The following KLF13 variants were observed in gnomAD, a reference collection of about 807,000 sequenced individuals.
KLF13 encodes the protein Krueppel-like factor 13.
KLF13 carries 8 observed loss-of-function variants against 16.7 expected under a neutral mutation model. The observed-to-expected ratio is 0.48, with a 90% CI of 0.28 to 0.87. The LOEUF (loss-of-function observed/expected upper bound fraction) is 0.87, where lower values mean the gene tolerates loss of function less well. Ranked by LOEUF, KLF13 falls within the 40% of genes least tolerant of loss-of-function variation. KLF13 has a pLI of 0.10. For missense variants in KLF13, 447 were observed against 452.2 expected, an observed-to-expected ratio of 0.99 and a Z score of 0.10; for synonymous variants, 245 against 208.4, an observed-to-expected ratio of 1.18 and a Z score of -1.51.
chr15:31,362,350 A>C (rs4779869), intron 1 of KLF13, among the ~76,000 whole-genome samples: 1 of 152,246 alleles, frequency 6.6e-6, no homozygotes, highest in Non-Finnish European at 1.5e-5. Context: ...TGCCCTGGGA[A>C]CATCTCCTAC....
intron 1 of KLF13, among the ~76,000 whole-genome samples, chr15:31,331,556 G>A (rs555073167): frequency 4.3e-4 from 66 of 152,310 alleles, no homozygotes; most frequent in African/African-American, 1.6e-3. Flanking sequence ...AGGGCATCTG[G>A]CAGAGCAGAG....
At chr15:31,390,242 CAA>C (rs1362371833), upstream of KLF13, among the ~76,000 whole-genome samples, 1 of 152,158 alleles carries the variant, frequency 6.6e-6, no homozygotes, top group Non-Finnish European at 1.5e-5. Context: ...GTGGATCACT[CAA>C]GAGTCAATCC....
At chr15:31,357,818 C>G (rs1384578997) in intron 1 of KLF13, among the ~76,000 whole-genome samples, 1 of 152,180 alleles carries the variant, frequency 6.6e-6, no homozygotes, top group African/African-American at 2.4e-5. Flanking sequence ...GCACCCCCAC[C>G]CCCGCCAGAG....
At chr15:31,414,808 G>A (rs1294995572) in intron 1 of KLF13, among the ~76,000 whole-genome samples, 1 of 152,152 alleles carries the variant, frequency 6.6e-6, no homozygotes, top group Non-Finnish European at 1.5e-5. Context: ...CAATAAAGAA[G>A]TAGAAGAAGA....
At chr15:31,344,899 A>G (rs1313661418) in intron 1 of KLF13, among the ~76,000 whole-genome samples, 1 of 152,186 alleles carries the variant, frequency 6.6e-6, no homozygotes. Context: ...GAGGGGCCGC[A>G]AGTAACCAGG....
Position 31,327,575 on chromosome 15 carries a change from G to A in KLF13, c.363G>A (p.Ala121=). 2 of 1,180,588 alleles carry A rather than the reference G, an allele frequency of 1.7e-6. No homozygotes were observed. The highest frequency in any genetic ancestry group is 2.1e-6 in the Non-Finnish European group (2 of 948,284). The allele number at this position is 1,180,588 out of a possible 1,614,324, so 73.1% of individuals were successfully genotyped here. The change falls in exon 1 of 2, where the codon GCG becomes GCA. Residue 121 remains alanine, a synonymous_variant. Transcript: ENST00000307145. Reference sequence around the variant, plus strand: ...CGGCGGCCGCGCCCCCCAGCCCGGCGTGGAGCGAGCCGGAGCCCGAGGCGG... The same window carrying A: ...CGGCGGCCGCGCCCCCCAGCCCGGCATGGAGCGAGCCGGAGCCCGAGGCGG... The part of the protein sequence containing the change: ...EGAAAAPPSP[A]WSEPEPEAGL...
chr15:31,337,846 G>A (rs1259877567), intron 1 of KLF13, among the ~76,000 whole-genome samples: 1 of 152,194 alleles, frequency 6.6e-6, no homozygotes, highest in African/African-American at 2.4e-5. Context: ...AAGGTGCCAG[G>A]GCATTCTCTG....
chr15:31,415,593 G>A (rs774245581), intron 1 of KLF13, among the ~76,000 whole-genome samples: 9 of 152,046 alleles, frequency 5.9e-5, no homozygotes, highest in Non-Finnish European at 1.3e-4. Context: ...TGATGTGAGT[G>A]AAAACGAAGA....
upstream of KLF13, among the ~76,000 whole-genome samples, chr15:31,389,508 C>T (rs919757980): frequency 6.6e-6 from 1 of 152,210 alleles, no homozygotes; most frequent in Non-Finnish European, 1.5e-5. Context: ...CCCTCCTCCC[C>T]CTGTGTTTAC....
rs577275836 is a variant in KLF13 at position 31,367,794 on chromosome 15, A to G, written c.578-4216A>G. 4.5e-3 allele frequency among the ~76,000 whole-genome samples: 687 copies of G among 152,300 alleles called. 6 individuals are homozygous for G. Among genetic ancestry groups the G allele is most frequent in the Middle Eastern group, 0.01 (3 of 294 alleles). On this transcript the variant is annotated intron_variant, in intron 1 of 1. Coordinates refer to ENST00000307145, the MANE Select transcript of KLF13 (RefSeq NM_015995.4). ...CGCTGTGCTGAGGCCGGTCGTGCGC[A>G]GCCCCATGGGATCACTGTATGGACC...
chr15:31,353,322 T>C (rs999323249), intron 1 of KLF13, among the ~76,000 whole-genome samples: 6 of 152,180 alleles, frequency 3.9e-5, no homozygotes, highest in Non-Finnish European at 2.9e-5. Flanking sequence ...GGGAAACCTG[T>C]CCCAGGCGTT....
In KLF13 at chr15:31,419,272, A is replaced by G. The variant is rs567101149; in HGVS notation, n.118-16098A>G. Among the ~76,000 whole-genome samples, 273 of 44,004 alleles carry G rather than the reference A, an allele frequency of 6.2e-3. 1 individual carries two copies. Among genetic ancestry groups the G allele is most frequent in the Middle Eastern group, 0.015 (2 of 134 alleles). 28.9% of individuals were successfully genotyped at this position (44,004 alleles called of 152,430 possible). A position where few individuals can be genotyped will look rare whatever the true frequency, so the allele number is the denominator to read the frequency against. On this transcript the variant is annotated intron_variant and non_coding_transcript_variant, in intron 1 of 1. Coordinates refer to the KLF13 transcript ENST00000558225. Reference sequence around the variant, plus strand: ...TAATAAGGCATGTGAAGAAATAGGGAAAAATGGCCCAAAGGAACAAAATAA... The same window carrying G: ...TAATAAGGCATGTGAAGAAATAGGGGAAAATGGCCCAAAGGAACAAAATAA...
At chr15:31,345,504 C>G (rs2140942885) in intron 1 of KLF13, among the ~76,000 whole-genome samples, 1 of 152,354 alleles carries the variant, frequency 6.6e-6, no homozygotes, top group African/African-American at 2.4e-5. Flanking sequence ...CACCGCGTGC[C>G]TAGCAGCAAG....
chr15:31,381,471 C>T (rs1473305696), downstream of KLF13, among the ~76,000 whole-genome samples: 5 of 152,138 alleles, frequency 3.3e-5, no homozygotes, highest in Non-Finnish European at 5.9e-5. Flanking sequence ...TTATAAGGAC[C>T]TCTGTGATTA....
intron 2 of KLF13, among the ~76,000 whole-genome samples, chr15:31,397,200 A>G (rs1358012164): frequency 2.3e-5 from 2 of 87,852 alleles, no homozygotes; most frequent in Non-Finnish European, 4.2e-5. Context: ...CCTGAGGCCA[A>G]GAGGGTGTCC....
intron 1 of KLF13, among the ~76,000 whole-genome samples, chr15:31,370,425 C>CTTTTTTTTTTTTT (rs58293460): frequency 6.9e-6 from 1 of 145,146 alleles, no homozygotes; most frequent in African/African-American, 2.5e-5. Context: ...GTTGTTTTTG[C>CTTTTTTTTTTTTT]TTTTTTTTTT....
chr15:31,417,733 G>A (rs1157201403), intron 1 of KLF13, among the ~76,000 whole-genome samples: 1 of 151,644 alleles, frequency 6.6e-6, no homozygotes, highest in East Asian at 2.0e-4. Flanking sequence ...GTAGAGACAG[G>A]GTTTCATCAT....
At chr15:31,426,023 G>A (rs936037564) in intron 1 of KLF13, among the ~76,000 whole-genome samples, 3 of 152,178 alleles carry the variant, frequency 2.0e-5, no homozygotes, top group Non-Finnish European at 4.4e-5. Flanking sequence ...GGAGCAAAAT[G>A]CCTCCAGTCT....
intron 1 of KLF13, among the ~76,000 whole-genome samples, chr15:31,331,130 A>T (rs992653503): frequency 1.3e-5 from 2 of 152,162 alleles, no homozygotes; most frequent in African/African-American, 4.8e-5. Flanking sequence ...TCCCACAGAG[A>T]ATTGTTTTCA....
Sources: allele counts gnomAD v4.1 joint callset (sites outside exome capture counted in the v4.1 genomes callset), GRCh38; gene constraint gnomAD v4.1.1; transcripts MANE v1.5; gene names NCBI Gene and HGNC (gene_info 2026-07-23, HGNC 2026-07-21).